The following OLFM1 variants were observed in gnomAD, a reference collection of about 807,000 sequenced individuals.
OLFM1 encodes olfactomedin 1, also known as noelin.
OLFM1 carries 9 observed loss-of-function variants against 49.7 expected under a neutral mutation model. The observed-to-expected ratio is 0.18, with a 90% confidence interval of 0.11 to 0.32. The LOEUF (loss-of-function observed/expected upper bound fraction) is 0.32, where lower values mean the gene tolerates loss of function less well. Among genes scored for constraint, OLFM1 ranks in the 10% least tolerant of loss-of-function variants. The pLI is 1.00. For missense variants in OLFM1, 369 were observed against 661.8 expected, an observed-to-expected ratio of 0.56 and a Z score of 4.85; for synonymous variants, 240 against 271.8, an observed-to-expected ratio of 0.88 and a Z score of 1.15.
intron 5 of OLFM1, among the ~76,000 whole-genome samples, chr9:135,111,452 G>A (rs1254673373): frequency 6.6e-6 from 1 of 152,120 alleles, no homozygotes; most frequent in Non-Finnish European, 1.5e-5. Flanking sequence ...ATCAGTGTGC[G>A]AGACCTCCAC....
At chr9:135,086,521 G>A (rs1401196146), upstream of OLFM1, 1 of 422,882 alleles carries the variant, frequency 2.4e-6, no homozygotes, top group Admixed American at 2.5e-5. Context: ...CATCCAGGAA[G>A]GGAGATTAAT....
rs1400647785 is a variant in OLFM1, at chr9:135,080,552, C to T, written c.96+4750C>T. Among the ~76,000 whole-genome samples, 1 of 152,064 alleles carries T rather than the reference C, an allele frequency of 6.6e-6. No individual in the cohort carries two copies. Among genetic ancestry groups the T allele is most frequent in the African/African-American group, 2.4e-5 (1 of 41,426 alleles). On this transcript the variant is annotated intron_variant, in intron 1 of 5. Coordinates refer to the OLFM1 transcript ENST00000252854. The surrounding 1 kb of genome is among the most constrained non-coding windows in gnomAD (Gnocchi z 4.5). ...GGCTCCTGACACCAGGGGCGCTGAG[C>T]TGTCAATCCTGCCCATGAGACAGCT...
chr9:135,075,907 C>T (rs1225284463), intron 1 of OLFM1: 8 of 1,420,552 alleles, frequency 5.6e-6, no homozygotes, highest in African/African-American at 4.5e-5. Flanking sequence ...CGCCCCGCGC[C>T]CCCGGCCTGG....
intron 3 of OLFM1, among the ~76,000 whole-genome samples, chr9:135,096,922 T>C (rs1452916371): frequency 6.6e-6 from 1 of 152,174 alleles, no homozygotes; most frequent in East Asian, 1.9e-4. Context: ...AAATCATAGA[T>C]ACAGATGTGC....
At chr9:135,107,676 T>G (rs1317577510) in intron 5 of OLFM1, among the ~76,000 whole-genome samples, 1 of 152,128 alleles carries the variant, frequency 6.6e-6, no homozygotes, top group African/African-American at 2.4e-5. Flanking sequence ...GCTGCCAGAG[T>G]GGGCATTTCT....
At chr9:135,075,710 C>A (rs1830454572) in exon 1 of OLFM1, 1 of 1,597,736 alleles carries the variant, frequency 6.3e-7, no homozygotes, top group Non-Finnish European at 8.5e-7. Flanking sequence ...GCCCTGCATG[C>A]CAGGTCGTTG....
rs1021673648 is a variant in OLFM1 at position 135,098,033 on chromosome 9, T to C, written c.457-253T>C. 7.0e-7 allele frequency: 1 copy of C among 1,419,928 alleles called. No individual in the cohort carries two copies. Among genetic ancestry groups the C allele is most frequent in the Non-Finnish European group, 9.1e-7 (1 of 1,094,926 alleles). The allele number at this position is 1,419,928 out of a possible 1,614,324, so 88.0% of individuals were successfully genotyped here. On this transcript the variant is annotated intron_variant, in intron 3 of 5. Coordinates refer to ENST00000371793, the MANE Select transcript of OLFM1 (RefSeq NM_001282611.2). The surrounding 1 kb of genome is among the most constrained non-coding windows in gnomAD (Gnocchi z 5.6). The stretch of plus-strand genomic sequence containing the variant: ...TTGAAAAAGAAAGAAAAAAAAAACT[T>C]CGTGTATGTGACTCAAAGCATGTAA...
chr9:135,114,793 G>T (rs1160556174), intron 5 of OLFM1, among the ~76,000 whole-genome samples: 1 of 152,126 alleles, frequency 6.6e-6, no homozygotes, highest in Non-Finnish European at 1.5e-5. Flanking sequence ...ATTCTAGAAG[G>T]TTCACACAGG....
At chr9:135,075,971 G>A in intron 1 of OLFM1, 1 of 1,423,972 alleles carries the variant, frequency 7.0e-7, no homozygotes, top group Non-Finnish European at 9.1e-7. Flanking sequence ...CTGGACCTGG[G>A]TGGGAGGGAG....
chr9:135,119,231 ACTCACTGGGTCTTTGGAGTG>A (rs1210194492), intron 5 of OLFM1, among the ~76,000 whole-genome samples: 1 of 110,270 alleles, frequency 9.1e-6, no homozygotes, highest in African/African-American at 4.0e-5. Flanking sequence ...TCTTTGGAGT[ACTCACTGGGTCTTTGGAGTG>A]CTCACTGGGT....
chr9:135,101,200 T>C (rs183662954), intron 4 of OLFM1, among the ~76,000 whole-genome samples: 2 of 152,174 alleles, frequency 1.3e-5, no homozygotes, highest in African/African-American at 4.8e-5. Context: ...TCCTGGGTGG[T>C]GAGGGCTTCT....
chr9:135,092,657 G>C (rs1457417214), intron 2 of OLFM1, among the ~76,000 whole-genome samples: 1 of 152,202 alleles, frequency 6.6e-6, no homozygotes, highest in Admixed American at 6.5e-5. Flanking sequence ...CATTTGCGGG[G>C]AGAGCAGAGA....
At chr9:135,114,967 C>T (rs2119141771) in intron 5 of OLFM1, among the ~76,000 whole-genome samples, 1 of 152,296 alleles carries the variant, frequency 6.6e-6, no homozygotes, top group South Asian at 2.1e-4. Context: ...CCAAGCCCCC[C>T]ACCCACCCCT....
intron 2 of OLFM1, among the ~76,000 whole-genome samples, chr9:135,094,709 G>A (rs996180199): frequency 1.3e-5 from 2 of 152,270 alleles, no homozygotes; most frequent in South Asian, 4.2e-4. Flanking sequence ...TTCTACTGAG[G>A]AGGCTTGGTT....
chr9:135,083,635 C>T (rs61452377), upstream of OLFM1, among the ~76,000 whole-genome samples: 1,710 of 152,268 alleles, frequency 0.011, 37 homozygotes, highest in African/African-American at 0.039. Flanking sequence ...TCTCCTGGGT[C>T]GGCAGCTCAG....
intron 1 of OLFM1, among the ~76,000 whole-genome samples, chr9:135,089,849 G>C (rs917841752): frequency 6.6e-6 from 1 of 152,196 alleles, no homozygotes; most frequent in Non-Finnish European, 1.5e-5. Context: ...CTTGCTCCTA[G>C]TCCAGCCTGT....
chr9:135,102,334 G>C (rs983361880), intron 4 of OLFM1, among the ~76,000 whole-genome samples: 5 of 152,256 alleles, frequency 3.3e-5, no homozygotes, highest in Non-Finnish European at 7.3e-5. Context: ...GAGCTAGACA[G>C]TGAGCCACTG....
chr9:135,091,673 ACTCACACATAGTCTCACACACACACAGT>A (rs1830701854), intron 2 of OLFM1, among the ~76,000 whole-genome samples: 1 of 1,864 alleles, frequency 5.4e-4, no homozygotes, highest in African/African-American at 2.1e-3. Context: ...ACAGTCACAC[ACTCACACATAGTCTCACACACACACAGT>A]CACACTCACA....
chr9:135,081,970 C>G (rs919060376), intron 1 of OLFM1, among the ~76,000 whole-genome samples: 1 of 152,206 alleles, frequency 6.6e-6, no homozygotes, highest in South Asian at 2.1e-4. Context: ...CTGACCCGTC[C>G]TCGTGTGTGG....
Sources: gnomAD v4.1 joint callset for allele counts (sites outside exome capture counted in the v4.1 genomes callset) on GRCh38, gnomAD v4.1.1 for gene constraint, Gnocchi (gnomAD v3.1) non-coding constraint, MANE v1.5 for transcripts, NCBI Gene and HGNC (gene_info 2026-07-23, HGNC 2026-07-21) for gene names.